Variants in DLC1 observed in about 807,000 individuals in gnomAD.
DLC1 encodes DLC1 Rho GTPase activating protein.
A neutral mutation model predicts 140.3 loss-of-function variants in DLC1; 54 were observed. That is an observed-to-expected ratio of 0.38 (90% CI 0.31 to 0.48). The LOEUF (loss-of-function observed/expected upper bound fraction) is 0.48, where lower values mean the gene tolerates loss of function less well. Ranked by LOEUF, DLC1 falls within the 20% of genes least tolerant of loss-of-function variation. The pLI is 0.96. For missense variants in DLC1, 2,536 were observed against 1,907.0 expected, an observed-to-expected ratio of 1.33 and a Z score of -6.14; for synonymous variants, 986 against 728.1, an observed-to-expected ratio of 1.35 and a Z score of -5.70.
chr8:13,444,019 TAAACTC>T (rs111902564), intron 2 of DLC1, among the ~76,000 whole-genome samples: 1,848 of 152,326 alleles, frequency 0.012, 36 homozygotes, highest in African/African-American at 0.041. Context: ...AACAATATCT[TAAACTC>T]TAAGTGAAAA....
rs758587440 is a variant in DLC1, at chr8:13,098,592, G to C, written c.2991-17C>G. The C allele has an allele frequency of 1.4e-5, 22 of 1,603,918 alleles. No individual in the cohort carries two copies. In the South Asian group the frequency reaches 2.4e-4, roughly 17 times the overall value. ...AGTCGGTGCCTGCGAGAGAAGAGGA[G>C]AGGAAAATGAGTGTGAAGCCTTTTT... is the stretch of plus-strand genomic sequence containing the variant. On this transcript the variant is annotated splice_polypyrimidine_tract_variant and intron_variant, in intron 9 of 17. Coordinates refer to ENST00000276297, the MANE Select transcript of DLC1 (RefSeq NM_182643.3).
chr8:13,198,097 C>T (rs1009983759), intron 5 of DLC1, among the ~76,000 whole-genome samples: 41 of 148,374 alleles, frequency 2.8e-4, no homozygotes, highest in African/African-American at 1.0e-3. Context: ...AAAAAACAAA[C>T]GAAAAAGGAA....
intron 3 of DLC1, among the ~76,000 whole-genome samples, chr8:13,399,772 G>C (rs1025010478): frequency 6.6e-6 from 1 of 152,124 alleles, no homozygotes; most frequent in Non-Finnish European, 1.5e-5. Flanking sequence ...CATCCTTAAA[G>C]ACTATATTAT....
At chr8:13,294,861 G>C (rs111887100) in intron 5 of DLC1, among the ~76,000 whole-genome samples, 1 of 152,170 alleles carries the variant, frequency 6.6e-6, no homozygotes, top group Non-Finnish European at 1.5e-5. Context: ...TTCTTCAACT[G>C]TATAATGTAG....
At chr8:13,096,314 C>T (rs1398403529) in intron 10 of DLC1, among the ~76,000 whole-genome samples, 1 of 152,100 alleles carries the variant, frequency 6.6e-6, no homozygotes, top group Non-Finnish European at 1.5e-5. Flanking sequence ...CTAAAATATG[C>T]AGTTTTAAAT....
Position 13,088,692 on chromosome 8 carries a change from G to A in DLC1, c.4087C>T (p.Pro1363Ser). ...ELSYKKVSEG[P>S]PLRLWRSVIE... ...ACTGACCTCCAAAGCCTCAGAGGGG[G>A]TCCTTCGCTCACCTGGAAAGAGGAT... Residue 1363 changes from proline to serine, a missense_variant, in exon 16 of 18, where the codon CCC becomes TCC. Transcript: ENST00000276297. 6.2e-7 allele frequency: 1 copy of A among 1,614,050 alleles called. No individual in the cohort carries two copies. Among genetic ancestry groups the A allele is most frequent in the Non-Finnish European group, 8.5e-7 (1 of 1,180,028 alleles).
chr8:13,202,679 TA>T (rs1314754383), intron 5 of DLC1, among the ~76,000 whole-genome samples: 1 of 152,108 alleles, frequency 6.6e-6, no homozygotes, highest in African/African-American at 2.4e-5. Context: ...TTTTAATTTT[TA>T]ATTATTTATT....
chr8:13,107,078 AAAGCCGTTTCTCC>A (rs1819627053), intron 7 of DLC1, among the ~76,000 whole-genome samples: 1 of 152,238 alleles, frequency 6.6e-6, no homozygotes, highest in Non-Finnish European at 1.5e-5. Flanking sequence ...AGATCAGGCC[AAAGCCGTTTCTCC>A]AAGGGAACAG....
chr8:13,349,396 A>T (rs965026317), intron 4 of DLC1, among the ~76,000 whole-genome samples: 1 of 152,192 alleles, frequency 6.6e-6, no homozygotes, highest in African/African-American at 2.4e-5. Context: ...AAATGGAAGA[A>T]AGAAAGAAAA....
At chr8:13,226,982 AC>A (rs1048741383) in intron 5 of DLC1, among the ~76,000 whole-genome samples, 11 of 152,024 alleles carry the variant, frequency 7.2e-5, no homozygotes, top group African/African-American at 2.7e-4. Flanking sequence ...CATTTAAAAA[AC>A]TTCTGCAAAA....
intron 4 of DLC1, among the ~76,000 whole-genome samples, chr8:13,386,124 C>A (rs745594496): frequency 6.6e-6 from 1 of 152,078 alleles, no homozygotes; most frequent in Non-Finnish European, 1.5e-5. Context: ...CATTGGTCCA[C>A]GGAAAAACTA....
At chr8:13,572,474 G>A (rs1374189669) in intron 1 of DLC1, among the ~76,000 whole-genome samples, 6 of 152,086 alleles carry the variant, frequency 3.9e-5, no homozygotes, top group Non-Finnish European at 8.8e-5. Context: ...ATACACACAA[G>A]TTTTTAATTT....
chr8:13,489,657 C>G (rs1266358401), intron 2 of DLC1, among the ~76,000 whole-genome samples: 1 of 151,834 alleles, frequency 6.6e-6, no homozygotes, highest in Non-Finnish European at 1.5e-5. Flanking sequence ...GGAAGCAGGA[C>G]TGAAACCCAG....
At chr8:13,211,163 G>A (rs1369932575) in intron 5 of DLC1, among the ~76,000 whole-genome samples, 1 of 152,144 alleles carries the variant, frequency 6.6e-6, no homozygotes, top group East Asian at 1.9e-4. Context: ...CAACGACCTG[G>A]AAGTTACATT....
intron 2 of DLC1, among the ~76,000 whole-genome samples, chr8:13,481,087 A>T (rs1282784029): frequency 1.3e-5 from 2 of 152,162 alleles, no homozygotes; most frequent in African/African-American, 4.8e-5. Context: ...TACGCTTTTG[A>T]AATGGAAAGA....
chr8:13,310,140 C>T (rs895317325), intron 4 of DLC1, among the ~76,000 whole-genome samples: 3 of 152,118 alleles, frequency 2.0e-5, no homozygotes, highest in Admixed American at 6.5e-5. Context: ...TCCTATGTTC[C>T]ATGAAGCAAA....
chr8:13,381,453 T>C (rs528080501), intron 4 of DLC1, among the ~76,000 whole-genome samples: 34 of 152,308 alleles, frequency 2.2e-4, no homozygotes, highest in African/African-American at 7.9e-4. Context: ...CACTGTCACA[T>C]TGATTAGGAT....
chr8:13,481,084 T>C (rs1355266936), intron 2 of DLC1, among the ~76,000 whole-genome samples: 1 of 152,106 alleles, frequency 6.6e-6, no homozygotes, highest in East Asian at 1.9e-4. Flanking sequence ...CTCTACGCTT[T>C]TGAAATGGAA....
intron 4 of DLC1, among the ~76,000 whole-genome samples, chr8:13,391,539 ACT>A (rs1205276114): frequency 6.6e-5 from 10 of 152,212 alleles, no homozygotes; most frequent in Admixed American, 2.0e-4. Context: ...AGATTCCATC[ACT>A]CTAACAAATT....
Sources: gnomAD v4.1 joint callset for allele counts (sites outside exome capture counted in the v4.1 genomes callset) on GRCh38, gnomAD v4.1.1 for gene constraint, MANE v1.5 for transcripts, NCBI Gene and HGNC (gene_info 2026-07-23, HGNC 2026-07-21) for gene names.